Variants in ATG7 observed in about 807,000 individuals in gnomAD.
ATG7 encodes the protein ubiquitin-like modifier-activating enzyme ATG7.
Under a neutral mutation model 82.4 loss-of-function variants are expected in ATG7, and 70 were observed. The observed-to-expected ratio is 0.85, with a 90% CI of 0.70 to 1.04. The LOEUF is 1.04. ATG7 is among the 50% of genes least tolerant of loss of function. The probability of loss-of-function intolerance (pLI) is 0.00; values close to 1 mark genes in which losing one functional copy is unlikely to be tolerated. For missense variants in ATG7, 792 were observed against 864.3 expected (o/e 0.92, Z 1.05); for synonymous variants, 287 against 313.0 (o/e 0.92, Z 0.88).
At chr3:11,439,073 T>TC (rs2083631703) in intron 20 of ATG7, among the ~76,000 whole-genome samples, 1 of 144,802 alleles carries the variant, frequency 6.9e-6, no homozygotes, top group African/African-American at 2.5e-5. Flanking sequence ...TTCTTTCTTT[T>TC]TTTTTTTTTT....
chr3:11,537,275 A>C (rs2125007341), intron 20 of ATG7, among the ~76,000 whole-genome samples: 1 of 152,040 alleles, frequency 6.6e-6, no homozygotes, highest in East Asian at 1.9e-4. Flanking sequence ...CCCTTTCTAA[A>C]AGAACTGTTC....
chr3:11,530,686 A>C (rs1012734465), intron 20 of ATG7, among the ~76,000 whole-genome samples: 1 of 151,992 alleles, frequency 6.6e-6, no homozygotes, highest in African/African-American at 2.4e-5. Flanking sequence ...ATAAATAATA[A>C]TTTCCACGTT....
intron 18 of ATG7, among the ~76,000 whole-genome samples, chr3:11,378,902 T>C (rs1478228242): frequency 6.6e-5 from 10 of 152,022 alleles, no homozygotes; most frequent in Admixed American, 3.9e-4. Context: ...ATGGTGTTAA[T>C]AGGATGGCTA....
chr3:11,501,376 A>G (rs979537312), intron 20 of ATG7, among the ~76,000 whole-genome samples: 12 of 152,266 alleles, frequency 7.9e-5, no homozygotes, highest in African/African-American at 2.7e-4. Context: ...AGCAGTTAGT[A>G]GATACTAGCT....
chr3:11,474,419 G>T (rs912956243), intron 20 of ATG7, among the ~76,000 whole-genome samples: 62 of 152,330 alleles, frequency 4.1e-4, no homozygotes, highest in African/African-American at 1.4e-3. Flanking sequence ...GGGCAACATG[G>T]TGAGACTCTG....
chr3:11,343,429 T>C (rs1244665453), intron 13 of ATG7, among the ~76,000 whole-genome samples: 1 of 152,222 alleles, frequency 6.6e-6, no homozygotes, highest in African/African-American at 2.4e-5. Context: ...TTTATTTCTT[T>C]TATTCATGTT....
intron 19 of ATG7, among the ~76,000 whole-genome samples, chr3:11,396,823 T>G (rs974775560): frequency 6.9e-6 from 1 of 145,598 alleles, no homozygotes; most frequent in African/African-American, 2.5e-5. Flanking sequence ...GTATTAAAAC[T>G]TGGAGGAGGT....
chr3:11,545,440 C>T (rs985742115), intron 20 of ATG7, among the ~76,000 whole-genome samples: 1 of 152,226 alleles, frequency 6.6e-6, no homozygotes, highest in Non-Finnish European at 1.5e-5. Context: ...CTGGAGCGAG[C>T]CCTGCCTCCC....
Position 11,295,829 on chromosome 3 carries a change from C to G in ATG7, c.-10-2857C>G, listed in dbSNP as rs556522536. 1.3e-4 allele frequency among the ~76,000 whole-genome samples: 19 copies of G among 150,174 alleles called. No homozygotes were observed. In the South Asian group the frequency reaches 3.6e-3, roughly 28 times the overall value. ...GAGATGGAGTTTCGCTCTTGTTGCC[C>G]AGGCTGGAGTGCAATGGCACAATCT... is the stretch of plus-strand genomic sequence containing the variant. On this transcript the variant is annotated intron_variant, in intron 3 of 20. Transcript: ENST00000693202.
At chr3:11,409,691 T>C (rs1363332398) in intron 19 of ATG7, among the ~76,000 whole-genome samples, 1 of 152,166 alleles carries the variant, frequency 6.6e-6, no homozygotes, top group Non-Finnish European at 1.5e-5. Context: ...AGGAGGTTTA[T>C]AGTTTTGTGT....
At chr3:11,274,729 C>G (rs1181858432) in intron 1 of ATG7, among the ~76,000 whole-genome samples, 1 of 152,088 alleles carries the variant, frequency 6.6e-6, no homozygotes, top group Non-Finnish European at 1.5e-5. Flanking sequence ...TCACTTCTTT[C>G]TAAGCTTCAG....
intron 19 of ATG7, among the ~76,000 whole-genome samples, chr3:11,396,195 C>T (rs1188862938): frequency 6.6e-6 from 1 of 151,630 alleles, no homozygotes; most frequent in Non-Finnish European, 1.5e-5. Context: ...GCCTGTAATC[C>T]CAGCACTTTT....
intron 20 of ATG7, among the ~76,000 whole-genome samples, chr3:11,441,216 A>G (rs1385291714): frequency 1.3e-5 from 2 of 152,184 alleles, no homozygotes; most frequent in African/African-American, 4.8e-5. Flanking sequence ...GCTTTATTAA[A>G]AGGAAAGAAA....
intron 19 of ATG7, among the ~76,000 whole-genome samples, chr3:11,417,805 A>ATTTTTTT (rs200364263): frequency 8.9e-4 from 47 of 52,738 alleles, no homozygotes; most frequent in East Asian, 3.4e-3. Flanking sequence ...TTATTATTTT[A>ATTTTTTT]TTTTATTTTA....
chr3:11,414,445 G>T (rs1452147557), intron 19 of ATG7, among the ~76,000 whole-genome samples: 2 of 152,160 alleles, frequency 1.3e-5, no homozygotes, highest in Non-Finnish European at 2.9e-5. Context: ...TTCCAACAGT[G>T]TTTTTATTTA....
chr3:11,508,040 A>T (rs2091839901), intron 20 of ATG7, among the ~76,000 whole-genome samples: 1 of 152,208 alleles, frequency 6.6e-6, no homozygotes, highest in South Asian at 2.1e-4. Flanking sequence ...TAGTAGGATA[A>T]ACAACAGCCT....
intron 20 of ATG7, among the ~76,000 whole-genome samples, chr3:11,516,741 T>C (rs1043844270): frequency 6.6e-5 from 10 of 152,018 alleles, no homozygotes; most frequent in African/African-American, 2.4e-4. Context: ...ATGATAAAAA[T>C]AAATGAGCTA....
At chr3:11,446,619 A>G (rs992401198) in intron 20 of ATG7, 1 of 359,748 alleles carries the variant, frequency 2.8e-6, no homozygotes, top group African/African-American at 2.2e-5. Flanking sequence ...ATGATACATC[A>G]TGGTACTTGA....
chr3:11,414,469 C>T lies in ATG7; in HGVS notation c.1957-12335C>T, dbSNP rs113765591. On this transcript the variant is annotated intron_variant, in intron 19 of 20. Transcript: ENST00000693202. ...TGTTTTTATTTATTTGGATTTTCTA[C>T]GTGGGCAGGCATGTCATCTATGAAC... Among the ~76,000 whole-genome samples, 609 of 152,298 alleles carry T rather than the reference C, an allele frequency of 4.0e-3. 5 individuals carry two copies. The highest frequency in any genetic ancestry group is 0.014 in the African/African-American group (565 of 41,580).
Sources: gnomAD v4.1 joint callset for allele counts (sites outside exome capture counted in the v4.1 genomes callset) on GRCh38, gnomAD v4.1.1 for gene constraint, MANE v1.5 for transcripts, NCBI Gene and HGNC (gene_info 2026-07-23, HGNC 2026-07-21) for gene names.